Variants in WDR25 observed in about 807,000 individuals in gnomAD.
WDR25 encodes WD repeat-containing protein 25.
A neutral mutation model predicts 47.7 loss-of-function variants in WDR25; 35 were observed. The observed-to-expected ratio is 0.73, with a 90% confidence interval of 0.56 to 0.97. The LOEUF is 0.97. Ranked by LOEUF, WDR25 falls within the 50% of genes least tolerant of loss-of-function variation. WDR25 has a pLI of 0.00. For missense variants in WDR25, 634 were observed against 704.7 expected, an observed-to-expected ratio of 0.90 and a Z score of 1.14; for synonymous variants, 248 against 278.9, an observed-to-expected ratio of 0.89 and a Z score of 1.10.
intron 4 of WDR25, among the ~76,000 whole-genome samples, chr14:100,519,266 G>GGAGAGAGA (rs139840480): frequency 9.5e-5 from 14 of 147,742 alleles, no homozygotes; most frequent in African/African-American, 2.8e-4. Flanking sequence ...TTTATAGGGG[G>GGAGAGAGA]GAGAGAGAGA....
rs533613788 is a variant in WDR25, at chr14:100,404,311, A to G, written c.822+22565A>G. Among the ~76,000 whole-genome samples the G allele has an allele frequency of 6.6e-6, 1 of 151,646 alleles. No individual in the cohort carries two copies. Among genetic ancestry groups the G allele is most frequent in the Non-Finnish European group, 1.5e-5 (1 of 67,894 alleles). Reference sequence around the variant, plus strand: ...TGCTCCCAAAGTCTATGTTCGTTCCACTCTCCCACGCCAGCCCGTAAGTGT... The same window carrying G: ...TGCTCCCAAAGTCTATGTTCGTTCCGCTCTCCCACGCCAGCCCGTAAGTGT... On this transcript the variant is annotated intron_variant, in intron 2 of 6. Coordinates refer to ENST00000402312, the MANE Select transcript of WDR25 (RefSeq NM_001161476.3). This position sits in a 1 kb window ranked among gnomAD's most constrained non-coding sequence, Gnocchi z 4.6.
Position 100,449,303 on chromosome 14 carries a change from G to A in WDR25, c.823-18718G>A, listed in dbSNP as rs1352914849. Among the ~76,000 whole-genome samples, 1 of 152,248 alleles carries A rather than the reference G, an allele frequency of 6.6e-6. No individual in the cohort carries two copies. The highest frequency in any genetic ancestry group is 1.5e-5 in the Non-Finnish European group (1 of 68,048). ...GAGGGCCAGGGAGAACCGTGGCTTC[G>A]ATAATGGTATGGGCCTGTTGGAGCC... On this transcript the variant is annotated intron_variant, in intron 2 of 6. Coordinates refer to ENST00000402312, the MANE Select transcript of WDR25 (RefSeq NM_001161476.3). This position sits in a 1 kb window ranked among gnomAD's most constrained non-coding sequence, Gnocchi z 4.2.
rs1898964200 is a variant in WDR25, at chr14:100,449,850, G to C, written c.823-18171G>C. The stretch of plus-strand genomic sequence containing the variant: ...CCCTGCCTCTGCTATGGTGTGATCA[G>C]AAGGGGGCTGTCTCCTGCTGTTACG... On this transcript the variant is annotated intron_variant, in intron 2 of 6. Transcript: ENST00000402312. This position sits in a 1 kb window ranked among gnomAD's most constrained non-coding sequence, Gnocchi z 4.2. 1.3e-5 allele frequency among the ~76,000 whole-genome samples: 2 copies of C among 152,210 alleles called. No homozygotes were observed. The highest frequency in any genetic ancestry group is 2.9e-5 in the Non-Finnish European group (2 of 68,034).
chr14:100,468,562 A>C lies in WDR25; in HGVS notation c.970+394A>C, dbSNP rs1485370042. Among the ~76,000 whole-genome samples the C allele has an allele frequency of 6.6e-6, 1 of 152,252 alleles. No individual in the cohort carries two copies. The highest frequency in any genetic ancestry group is 1.5e-5 in the Non-Finnish European group (1 of 68,042). ...CATTATCGTTGAAAGTCTGTGAGAA[A>C]TGATTCCAGCTCATAAGGAAAGTCT... On this transcript the variant is annotated intron_variant, in intron 3 of 6. Coordinates refer to ENST00000402312, the MANE Select transcript of WDR25 (RefSeq NM_001161476.3). The surrounding 1 kb of genome is among the most constrained non-coding windows in gnomAD (Gnocchi z 4.5).
chr14:100,420,040 C>T (rs761303470), intron 2 of WDR25, among the ~76,000 whole-genome samples: 19 of 152,222 alleles, frequency 1.2e-4, no homozygotes, highest in Non-Finnish European at 2.6e-4. Context: ...TCGCAGGGCC[C>T]ACCTGGTGGT....
intron 4 of WDR25, among the ~76,000 whole-genome samples, chr14:100,516,136 A>T (rs1384154556): frequency 1.3e-5 from 2 of 151,558 alleles, no homozygotes; most frequent in Non-Finnish European, 2.9e-5. Flanking sequence ...GATTTTTTGG[A>T]TGCGGTTGTA....
Position 100,468,293 on chromosome 14 carries a change from G to A in WDR25, c.970+125G>A. On this transcript the variant is annotated intron_variant, in intron 3 of 6. Transcript: ENST00000402312. This position sits in a 1 kb window ranked among gnomAD's most constrained non-coding sequence, Gnocchi z 4.5. Reference sequence around the variant, plus strand: ...GGCAGAGGGAGAGGGGCCTCAGGGTGGGCTCGTGCTCGGTGAGAGGGCTTC... The same window carrying A: ...GGCAGAGGGAGAGGGGCCTCAGGGTAGGCTCGTGCTCGGTGAGAGGGCTTC... The A allele has an allele frequency of 1.4e-6, 2 of 1,410,406 alleles. No homozygotes were observed. The highest frequency in any genetic ancestry group is 1.4e-5 in the South Asian group (1 of 72,222). The allele number at this position is 1,410,406 out of a possible 1,614,324, so 87.4% of individuals were successfully genotyped here.
In WDR25 at chr14:100,392,836, TGAAACC is replaced by T. The variant is rs2140156308; in HGVS notation, c.822+11091_822+11096del. Reference sequence around the variant, plus strand: ...ATGCTGAAGTGGTTATCTTCATGCATGAAACCCTTTTCTGTTGGATTATTTCTTTCG... The same window carrying T: ...ATGCTGAAGTGGTTATCTTCATGCATCTTTTCTGTTGGATTATTTCTTTCG... On this transcript the variant is annotated intron_variant, in intron 2 of 6. Coordinates refer to ENST00000402312, the MANE Select transcript of WDR25 (RefSeq NM_001161476.3). This position sits in a 1 kb window ranked among gnomAD's most constrained non-coding sequence, Gnocchi z 4.2. Among the ~76,000 whole-genome samples the T allele has an allele frequency of 6.6e-6, 1 of 152,358 alleles. No homozygotes were observed. The highest frequency in any genetic ancestry group is 1.5e-5 in the Non-Finnish European group (1 of 68,040).
intron 4 of WDR25, among the ~76,000 whole-genome samples, chr14:100,495,685 G>C (rs997899708): frequency 6.6e-6 from 1 of 152,176 alleles, no homozygotes; most frequent in East Asian, 1.9e-4. Context: ...TTTGCCTTAC[G>C]ATCTCACTTC....
At chr14:100,486,040 G>A (rs1900370620) in intron 4 of WDR25, among the ~76,000 whole-genome samples, 1 of 147,350 alleles carries the variant, frequency 6.8e-6, no homozygotes, top group Non-Finnish European at 1.5e-5. Flanking sequence ...AGTGGACACA[G>A]TGGCATTAAA....
chr14:100,426,018 C>A (rs535591814), intron 2 of WDR25, among the ~76,000 whole-genome samples: 1 of 152,346 alleles, frequency 6.6e-6, no homozygotes, highest in South Asian at 2.1e-4. Context: ...ACGCCGTCAT[C>A]GTGAATATGC....
At chr14:100,433,611 C>T in intron 2 of WDR25, among the ~76,000 whole-genome samples, 1 of 152,222 alleles carries the variant, frequency 6.6e-6, no homozygotes, top group East Asian at 1.9e-4. Context: ...TCCCTATGAT[C>T]ACGCTTGTCA....
chr14:100,435,653 A>T (rs1898477700), intron 2 of WDR25, among the ~76,000 whole-genome samples: 1 of 151,266 alleles, frequency 6.6e-6, no homozygotes, highest in Non-Finnish European at 1.5e-5. Flanking sequence ...ACATTCATTC[A>T]CTCAATCATT....
intron 2 of WDR25, among the ~76,000 whole-genome samples, chr14:100,410,191 T>A (rs868383349): frequency 2.6e-5 from 4 of 152,186 alleles, no homozygotes; most frequent in Non-Finnish European, 4.4e-5. Flanking sequence ...AGCGCTCCCT[T>A]CGTCAAACAC....
chr14:100,512,293 C>CGGG (rs1901337230), intron 4 of WDR25, among the ~76,000 whole-genome samples: 2 of 152,132 alleles, frequency 1.3e-5, no homozygotes, highest in Non-Finnish European at 2.9e-5. Flanking sequence ...TAGGGCTATT[C>CGGG]TGATTTTCTA....
chr14:100,493,780 A>C (rs1323768016), intron 4 of WDR25, among the ~76,000 whole-genome samples: 3 of 152,192 alleles, frequency 2.0e-5, no homozygotes, highest in African/African-American at 7.2e-5. Context: ...CCTAATCCCT[A>C]ATGTGATGAT....
rs2030364121 is a variant in WDR25, at chr14:100,529,395, C to G, written c.1413+187C>G. On this transcript the variant is annotated intron_variant, in intron 6 of 6. Coordinates refer to ENST00000402312, the MANE Select transcript of WDR25 (RefSeq NM_001161476.3). The surrounding 1 kb of genome is among the most constrained non-coding windows in gnomAD (Gnocchi z 5.1). The stretch of plus-strand genomic sequence containing the variant: ...TCCCTGAACCACATCTGGTCCTCAC[C>G]CCAGGCCCCACGTACTGGGCAGGAA... The G allele has an allele frequency of 1.2e-6, 1 of 858,882 alleles. No individual in the cohort carries two copies. The highest frequency in any genetic ancestry group is 1.8e-5 in the South Asian group (1 of 56,710). The allele number at this position is 858,882 out of a possible 1,614,324, so 53.2% of individuals were successfully genotyped here. A position where few individuals can be genotyped will look rare whatever the true frequency, so the allele number is the denominator to read the frequency against.
intron 2 of WDR25, among the ~76,000 whole-genome samples, chr14:100,463,209 C>T (rs371221910): frequency 6.6e-6 from 1 of 151,706 alleles, no homozygotes; most frequent in Non-Finnish European, 1.5e-5. Context: ...TCCTCCTCTC[C>T]GTCTTGGTTA....
chr14:100,450,604 C>T (rs1898997485), intron 2 of WDR25, among the ~76,000 whole-genome samples: 1 of 152,196 alleles, frequency 6.6e-6, no homozygotes, highest in South Asian at 2.1e-4. Context: ...CCTCTCTTTG[C>T]CCATCTGTAA....
Sources: gnomAD v4.1 joint callset for allele counts (sites outside exome capture counted in the v4.1 genomes callset) on GRCh38, gnomAD v4.1.1 for gene constraint, Gnocchi (gnomAD v3.1) non-coding constraint, MANE v1.5 for transcripts, NCBI Gene and HGNC (gene_info 2026-07-23, HGNC 2026-07-21) for gene names.